MICU1: variants seen among roughly 807,000 people sequenced by gnomAD.
The protein encoded by MICU1 is calcium uptake protein 1, mitochondrial.
Under a neutral mutation model 56.8 loss-of-function variants are expected in MICU1, and 45 were observed. The ratio of observed to expected loss-of-function variants is 0.79; its 90% CI spans 0.62 to 1.02. MICU1 has a LOEUF of 1.02. Among genes scored for constraint, MICU1 ranks in the 50% least tolerant of loss-of-function variants. The pLI is 0.00. For missense variants in MICU1, 504 were observed against 587.1 expected, an observed-to-expected ratio of 0.86 and a Z score of 1.46; for synonymous variants, 186 against 195.1, an observed-to-expected ratio of 0.95 and a Z score of 0.39.
At chr10:72,505,996 CAAA>C (rs34458233) in intron 6 of MICU1, among the ~76,000 whole-genome samples, 3 of 138,386 alleles carry the variant, frequency 2.2e-5, no homozygotes, top group Admixed American at 7.1e-5. Flanking sequence ...AACAAGCAAG[CAAA>C]AAAAAAAAAA....
At chr10:72,453,862 T>C (rs1434343056) in intron 8 of MICU1, among the ~76,000 whole-genome samples, 2 of 148,392 alleles carry the variant, frequency 1.3e-5, no homozygotes, top group Non-Finnish European at 3.0e-5. Context: ...TGAGATGGAG[T>C]TTCGTTCTTG....
chr10:72,532,143 C>A (rs577925478), intron 5 of MICU1, among the ~76,000 whole-genome samples: 1 of 151,990 alleles, frequency 6.6e-6, no homozygotes, highest in East Asian at 1.9e-4. Context: ...CAGTGAAACC[C>A]CATCTGTACT....
At chr10:72,616,663 A>C (rs938406796) in intron 1 of MICU1, among the ~76,000 whole-genome samples, 3 of 151,760 alleles carry the variant, frequency 2.0e-5, no homozygotes, top group East Asian at 1.9e-4. Flanking sequence ...AAAAAAAAAA[A>C]AAAACACACT....
At chr10:72,511,513 A>C (rs1867447311) in intron 5 of MICU1, among the ~76,000 whole-genome samples, 1 of 152,236 alleles carries the variant, frequency 6.6e-6, no homozygotes, top group African/African-American at 2.4e-5. Flanking sequence ...GGAAATGTAT[A>C]AACGCCTATC....
intron 11 of MICU1, 68 bp from the exon 12 acceptor site, chr10:72,368,423 A>G (rs1174781297): frequency 1.8e-5 from 27 of 1,533,294 alleles, no homozygotes; most frequent in Non-Finnish European, 2.1e-5. Context: ...ATATAATTCC[A>G]TTGTCCACAC....
At chr10:72,549,231 T>C (rs983372334) in intron 4 of MICU1, among the ~76,000 whole-genome samples, 4 of 150,700 alleles carry the variant, frequency 2.7e-5, no homozygotes, top group Non-Finnish European at 4.4e-5. Context: ...GGCTCTATTG[T>C]CCAGGCTGGG....
intron 6 of MICU1, among the ~76,000 whole-genome samples, chr10:72,507,886 G>A (rs558616185): frequency 2.2e-4 from 33 of 152,102 alleles, no homozygotes; most frequent in Non-Finnish European, 4.6e-4. Context: ...CCAAAGTTCT[G>A]GAATTACAAG....
chr10:72,618,943 T>C (rs1355571815), intron 1 of MICU1, among the ~76,000 whole-genome samples: 1 of 152,214 alleles, frequency 6.6e-6, no homozygotes, highest in Non-Finnish European at 1.5e-5. Flanking sequence ...GGCTGTAAGG[T>C]CCTTGAAGAA....
intron 8 of MICU1, among the ~76,000 whole-genome samples, chr10:72,427,974 C>T (rs968407289): frequency 6.6e-6 from 1 of 151,946 alleles, no homozygotes; most frequent in Non-Finnish European, 1.5e-5. Flanking sequence ...GGAAAGTTCT[C>T]GACTGTAAAC....
At chr10:72,442,830 C>T (rs1864982022) in intron 8 of MICU1, among the ~76,000 whole-genome samples, 3 of 152,180 alleles carry the variant, frequency 2.0e-5, no homozygotes, top group Admixed American at 6.5e-5. Flanking sequence ...GATCTTGGCT[C>T]ACTGCAGACT....
intron 1 of MICU1, among the ~76,000 whole-genome samples, chr10:72,602,994 T>C (rs1841582203): frequency 2.0e-5 from 2 of 98,684 alleles, no homozygotes; most frequent in Admixed American, 8.9e-5. Context: ...CGGGTGCCTG[T>C]AGTCCCAGCT....
chr10:72,406,518 C>T (rs757158364), intron 10 of MICU1, among the ~76,000 whole-genome samples: 1 of 151,758 alleles, frequency 6.6e-6, no homozygotes, highest in African/African-American at 2.4e-5. Flanking sequence ...CCTAGAATAT[C>T]CAAAGTAATC....
chr10:72,450,906 G>A (rs1340171967), intron 8 of MICU1, among the ~76,000 whole-genome samples: 3 of 151,568 alleles, frequency 2.0e-5, no homozygotes, highest in African/African-American at 4.8e-5. Context: ...TGTAGAGATG[G>A]GATTTCACCA....
chr10:72,493,998 G>T (rs893734833), intron 6 of MICU1, among the ~76,000 whole-genome samples: 1 of 152,152 alleles, frequency 6.6e-6, no homozygotes, highest in African/African-American at 2.4e-5. Context: ...GGAACACTAT[G>T]AATTTGGTAG....
At chr10:72,376,018 C>A in intron 10 of MICU1, 146 bp from the exon 11 acceptor site, 1 of 794,710 alleles carries the variant, frequency 1.3e-6, no homozygotes, top group South Asian at 1.5e-5. Flanking sequence ...AGGCTGGCCA[C>A]AGTGGCTCAT....
At chr10:72,473,015 G>T (rs1865996376) in intron 8 of MICU1, 1 of 152,348 alleles carries the variant, frequency 6.6e-6, no homozygotes, top group Admixed American at 6.5e-5. Flanking sequence ...CAGGAGAATC[G>T]CTTGAACCTG....
At chr10:72,508,340 G>T in intron 5 of MICU1, 71 bp from the exon 6 acceptor site, 1 of 594,732 alleles carries the variant, frequency 1.7e-6, no homozygotes. Flanking sequence ...AGTAAGAGAT[G>T]AATCACCATT....
chr10:72,610,273 A>AAT (rs1396891694), intron 1 of MICU1, among the ~76,000 whole-genome samples: 1 of 151,422 alleles, frequency 6.6e-6, no homozygotes, highest in Non-Finnish European at 1.5e-5. Flanking sequence ...AAAAAAAAAA[A>AAT]ATAGTAAAAA....
At chr10:72,464,156 T>G (rs2067517643) in intron 8 of MICU1, among the ~76,000 whole-genome samples, 1 of 151,838 alleles carries the variant, frequency 6.6e-6, no homozygotes, top group South Asian at 2.1e-4. Flanking sequence ...ATTAGCCAAG[T>G]GTGGTGGCAC....
Sources: allele counts gnomAD v4.1 joint callset (sites outside exome capture counted in the v4.1 genomes callset), GRCh38; gene constraint gnomAD v4.1.1; transcripts MANE v1.5; gene names NCBI Gene and HGNC (gene_info 2026-07-23, HGNC 2026-07-21).